Variants in POMGNT1 observed in about 807,000 individuals in gnomAD.
POMGNT1 encodes the protein protein O-linked mannose N-acetylglucosaminyltransferase 1 (beta 1,2-), also known as protein O-linked-mannose beta-1,2-N-acetylglucosaminyltransferase 1.
Under a neutral mutation model 95.6 loss-of-function variants are expected in POMGNT1, and 67 were observed. That is an observed-to-expected ratio of 0.70 (90% CI 0.58 to 0.86). The LOEUF (loss-of-function observed/expected upper bound fraction) is 0.86. Among genes scored for constraint, POMGNT1 ranks in the 40% least tolerant of loss-of-function variants. POMGNT1 has a pLI of 0.00. For synonymous variants in POMGNT1, 298 were observed against 317.9 expected (o/e 0.94, Z 0.66); for missense variants, 719 against 855.2 (o/e 0.84, Z 1.99).
At chr1:46,206,908 T>G (rs948851394) in intron 1 of POMGNT1, among the ~76,000 whole-genome samples, 8 of 152,064 alleles carry the variant, frequency 5.3e-5, no homozygotes, top group Non-Finnish European at 1.0e-4. Context: ...ACATTTCTAG[T>G]ACAGGATGAT....
At chr1:46,190,891 G>T in intron 17 of POMGNT1, 107 bp from the exon 18 acceptor site, 2 of 1,042,726 alleles carry the variant, frequency 1.9e-6, no homozygotes, top group Non-Finnish European at 3.0e-6. Flanking sequence ...TCCTAGACCT[G>T]TAAAGAGCCC....
At chr1:46,205,947 G>C (rs187990015) in intron 1 of POMGNT1, among the ~76,000 whole-genome samples, 3 of 152,210 alleles carry the variant, frequency 2.0e-5, no homozygotes, top group Non-Finnish European at 4.4e-5. Context: ...TTGCACAAAG[G>C]GGGAAGGCCT....
rs749544825 is a variant in POMGNT1, at chr1:46,188,875, C to A, written c.*395G>T. ...TTTCCTGAGTAAGAGCCAGCCCCAC[C>A]CTCAGGGCAGCATTCCAGCCCAAAA... is the stretch of plus-strand genomic sequence containing the variant. On this transcript the variant is annotated 3_prime_UTR_variant, in exon 22 of 22. Transcript: ENST00000371984. The A allele has an allele frequency of 1.4e-5, 22 of 1,612,766 alleles. No individual in the cohort carries two copies. The African/African-American group carries it at 2.3e-4, about 17-fold the overall frequency.
At position 46,214,664 on chromosome 1, in the gene POMGNT1, A is replaced by G. The variant is rs146358719; in HGVS notation, c.-51+5041T>C. On this transcript the variant is annotated intron_variant, in intron 1 of 22. Transcript: ENST00000371992. ...GTGGATCACCTGAGGTCAGGAGTTC[A>G]ATAGCAGCCTGACCAACATGGTGAA... is the stretch of plus-strand genomic sequence containing the variant. 8.2e-3 allele frequency among the ~76,000 whole-genome samples: 1,253 copies of G among 151,980 alleles called. 19 individuals are homozygous for G. Among genetic ancestry groups the G allele is most frequent in the Middle Eastern group, 0.037 (11 of 294 alleles).
In POMGNT1 at chr1:46,195,897, C is replaced by CA; in HGVS notation, c.447dup (p.Asp150Ter). On this transcript the variant is annotated frameshift_variant, in exon 6 of 22. Transcript: ENST00000371984. LOFTEE classifies it high-confidence loss of function. ...TCATCCTCATGAGGTGAGTACGTGT[C>CA]AAACACACGTTTTGCCATCACGTGG... The CA allele has an allele frequency of 1.9e-6, 3 of 1,613,912 alleles. No individual in the cohort carries two copies. The highest frequency in any genetic ancestry group is 1.7e-6 in the Non-Finnish European group (2 of 1,179,930).
rs1268234582 is a variant in POMGNT1 at position 46,192,385 on chromosome 1, T to G, written c.1336A>C (p.Met446Leu). 1.9e-6 allele frequency: 3 copies of G among 1,614,224 alleles called. No individual in the cohort carries two copies. Among genetic ancestry groups the G allele is most frequent in the Non-Finnish European group, 2.5e-6 (3 of 1,180,040 alleles). The change falls in exon 16 of 22, where the codon ATG (methionine) becomes CTG (leucine). Residue 446 changes from methionine (M) to leucine (L), a missense_variant. This residue lies in a region of POMGNT1 where 118 missense variants were observed against 153.6 expected (regional missense o/e 0.77). Coordinates refer to ENST00000371984, the MANE Select transcript of POMGNT1 (RefSeq NM_017739.4). ...CTGAGCACCCAGCCCAGCCCAGGCA[T>G]GGTCTCCACACGGTACAGTAGTGCT... ...DPALLYRVETMPGLGWVLRRS... is the reference protein window; with the variant it reads ...DPALLYRVETLPGLGWVLRRS...
intron 20 of POMGNT1, 96 bp from the exon 21 acceptor site, chr1:46,189,663 A>T: frequency 6.4e-7 from 1 of 1,553,908 alleles, no homozygotes; most frequent in Non-Finnish European, 8.7e-7. Context: ...CCTCCTCAGA[A>T]ACCACCTCAA....
intron 1 of POMGNT1, among the ~76,000 whole-genome samples, chr1:46,215,059 T>C (rs1445148494): frequency 1.3e-5 from 2 of 151,698 alleles, no homozygotes; most frequent in Non-Finnish European, 2.9e-5. Context: ...ACCCTGTCTG[T>C]ACTAAAGATA....
chr1:46,212,630 A>G (rs1322989188), intron 1 of POMGNT1, among the ~76,000 whole-genome samples: 2 of 141,544 alleles, frequency 1.4e-5, no homozygotes, highest in African/African-American at 2.7e-5. Context: ...AAGCTATAGT[A>G]CAGTGGCACC....
At chr1:46,197,287 C>T in intron 2 of POMGNT1, 2 of 1,507,764 alleles carry the variant, frequency 1.3e-6, no homozygotes, top group Non-Finnish European at 1.8e-6. Context: ...ACACTTCCCC[C>T]TCCATTAGGG....
intron 1 of POMGNT1, among the ~76,000 whole-genome samples, chr1:46,212,142 A>G (rs1011758641): frequency 6.6e-6 from 1 of 152,236 alleles, no homozygotes; most frequent in African/African-American, 2.4e-5. Context: ...GAATAATTCA[A>G]TAAACATTTT....
Position 46,195,919 on chromosome 1 carries a change from G to A in POMGNT1, c.426C>T (p.His142=), listed in dbSNP as rs374384310. 26 of 1,613,970 alleles carry A rather than the reference G, an allele frequency of 1.6e-5. No individual in the cohort carries two copies. The African/African-American group carries it at 2.4e-4, about 15-fold the overall frequency. Residue 142 remains histidine, a synonymous_variant, in exon 6 of 22, where the codon CAC becomes CAT. Coordinates refer to ENST00000371984, the MANE Select transcript of POMGNT1 (RefSeq NM_017739.4). ...TGTCAAACACACGTTTTGCCATCAC[G>A]TGGCCCTGGCAGGGGATATACTTCT... is the stretch of plus-strand genomic sequence containing the variant. ...HVIVLNQATG[H]VMAKRVFDTY...
chr1:46,192,241 C>A lies in POMGNT1; in HGVS notation c.1414-18G>T, dbSNP rs746924004. On this transcript the variant is annotated intron_variant, in intron 16 of 21. Coordinates refer to ENST00000371984, the MANE Select transcript of POMGNT1 (RefSeq NM_017739.4). ...TCCCAGAGCTGGCAGACATGGACCACGATGAAGGTTAAGATGTTTCGAGTT... is the reference window on the plus strand; with the variant it reads ...TCCCAGAGCTGGCAGACATGGACCAAGATGAAGGTTAAGATGTTTCGAGTT... 7 of 1,614,064 alleles carry A rather than the reference C, an allele frequency of 4.3e-6. No individual in the cohort carries two copies. The highest frequency in any genetic ancestry group is 4.5e-5 in the East Asian group (2 of 44,898).
At chr1:46,198,062 C>A in intron 1 of POMGNT1, 191 bp from the exon 2 acceptor site, 1 of 576,982 alleles carries the variant, frequency 1.7e-6, no homozygotes, top group Non-Finnish European at 3.1e-6. Context: ...TGGAAATTCC[C>A]TGAGACTGGA....
chr1:46,202,923 GTGTGTGT>G (rs1429113486), upstream of POMGNT1, among the ~76,000 whole-genome samples: 17 of 89,206 alleles, frequency 1.9e-4, no homozygotes, highest in African/African-American at 5.9e-4. Context: ...GGGGGGTGGT[GTGTGTGT>G]GTGTGTGTGT....
chr1:46,190,843 G>C, intron 17 of POMGNT1, 59 bp from the exon 18 acceptor site: 1 of 1,479,470 alleles, frequency 6.8e-7, no homozygotes, highest in Non-Finnish European at 9.5e-7. Context: ...ACACCCACTT[G>C]CTGACCAGCC....
At position 46,189,186 on chromosome 1, in the gene POMGNT1, C is replaced by A; in HGVS notation, c.*84G>T. The A allele has an allele frequency of 6.5e-7, 1 of 1,539,114 alleles. No individual in the cohort carries two copies. Among genetic ancestry groups the A allele is most frequent in the Non-Finnish European group, 8.7e-7 (1 of 1,148,214 alleles). On this transcript the variant is annotated 3_prime_UTR_variant, in exon 22 of 22. Coordinates refer to ENST00000371984, the MANE Select transcript of POMGNT1 (RefSeq NM_017739.4). The stretch of plus-strand genomic sequence containing the variant: ...AGGTAGCCCCAGCCCCTACCAGCAT[C>A]TACAAAATCCTACAGGATGGAGGGA...
chr1:46,197,467 C>T, intron 2 of POMGNT1: 1 of 1,486,880 alleles, frequency 6.7e-7, no homozygotes. Context: ...GCAAAGCCAG[C>T]CTGATCAGAC....
chr1:46,212,120 C>T (rs1658915894), intron 1 of POMGNT1, among the ~76,000 whole-genome samples: 1 of 152,120 alleles, frequency 6.6e-6, no homozygotes, highest in Non-Finnish European at 1.5e-5. Flanking sequence ...GTGAATAAAG[C>T]AGTTATTTCC....
Sources: gnomAD v4.1 joint callset for allele counts (sites outside exome capture counted in the v4.1 genomes callset) on GRCh38, gnomAD v4.1.1 for gene constraint, gnomAD v4.1.1 regional missense constraint, MANE v1.5 for transcripts, NCBI Gene and HGNC (gene_info 2026-07-23, HGNC 2026-07-21) for gene names.